ZNF260: variants seen among roughly 807,000 people sequenced by gnomAD.
ZNF260 encodes zinc finger protein 260.
Under a neutral mutation model 29.3 loss-of-function variants are expected in ZNF260, and 21 were observed. The ratio of observed to expected loss-of-function variants is 0.72; its 90% CI spans 0.51 to 1.03. ZNF260 has a LOEUF of 1.03. Ranked by LOEUF, ZNF260 falls within the 50% of genes least tolerant of loss-of-function variation. ZNF260 has a pLI of 0.00. For missense variants in ZNF260, 465 were observed against 487.8 expected (o/e 0.95, Z 0.44); for synonymous variants, 156 against 156.8 (o/e 0.99, Z 0.04).
At position 36,511,062 on chromosome 19, in the gene ZNF260, A is replaced by T. The variant is rs569172103; in HGVS notation, c.*2938T>A. Reference sequence around the variant, plus strand: ...ACATACATATATTTTATTTGGGTATATTACCTCAGAAAATCAACAACTGTC... The same window carrying T: ...ACATACATATATTTTATTTGGGTATTTTACCTCAGAAAATCAACAACTGTC... On this transcript the variant is annotated 3_prime_UTR_variant, in exon 3 of 3. Coordinates refer to ENST00000523638, the MANE Select transcript of ZNF260 (RefSeq NM_001166037.2). The T allele has an allele frequency of 1.6e-4, 24 of 152,306 alleles. No homozygotes were observed. The highest frequency in any genetic ancestry group is 1.2e-3 in the Admixed American group (18 of 15,286). The allele number at this position is 152,306 out of a possible 1,614,324, so 9.4% of individuals were successfully genotyped here. A position where few individuals can be genotyped will look rare whatever the true frequency, so the allele number is the denominator to read the frequency against.
At chr19:36,526,737 C>T (rs915854842) in intron 1 of ZNF260, among the ~76,000 whole-genome samples, 10 of 152,056 alleles carry the variant, frequency 6.6e-5, no homozygotes, top group Non-Finnish European at 1.3e-4. Context: ...ACAACCATCG[C>T]AAGCTTAACA....
Position 36,513,103 on chromosome 19 carries a change from T to C in ZNF260, c.*897A>G, listed in dbSNP as rs2034479416. ...ATATTATGTTTATTATTGTTTTAAA[T>C]CTCTTGCTGTGTCTAATCTGTAAAC... On this transcript the variant is annotated 3_prime_UTR_variant, in exon 3 of 3. Coordinates refer to ENST00000523638, the MANE Select transcript of ZNF260 (RefSeq NM_001166037.2). The C allele has an allele frequency of 6.6e-6, 1 of 152,188 alleles. No homozygotes were observed. Among genetic ancestry groups the C allele is most frequent in the Admixed American group, 6.5e-5 (1 of 15,276 alleles). 9.4% of individuals were successfully genotyped at this position (152,188 alleles called of 1,614,324 possible).
In ZNF260 at chr19:36,513,994, A is replaced by G; in HGVS notation, c.*6T>C. On this transcript the variant is annotated 3_prime_UTR_variant, in exon 3 of 3. Coordinates refer to ENST00000523638, the MANE Select transcript of ZNF260 (RefSeq NM_001166037.2). Reference sequence around the variant, plus strand: ...TTTGCTAAATCCAAGGCATTCATAGAGAACTTTAATGAGTATGAATTCTCT... The same window carrying G: ...TTTGCTAAATCCAAGGCATTCATAGGGAACTTTAATGAGTATGAATTCTCT... 1 of 1,602,382 alleles carries G rather than the reference A, an allele frequency of 6.2e-7. No homozygotes were observed. Among genetic ancestry groups the G allele is most frequent in the Non-Finnish European group, 8.5e-7 (1 of 1,171,916 alleles).
intron 2 of ZNF260, among the ~76,000 whole-genome samples, chr19:36,523,121 T>G (rs1190845736): frequency 1.2e-4 from 18 of 152,062 alleles, no homozygotes. Context: ...CCAAACCAAC[T>G]CCTCTCAAAT....
At position 36,513,448 on chromosome 19, in the gene ZNF260, G is replaced by A. The variant is rs954669373; in HGVS notation, c.*552C>T. 6 of 297,072 alleles carry A rather than the reference G, an allele frequency of 2.0e-5. No homozygotes were observed. The highest frequency in any genetic ancestry group is 3.1e-5 in the Non-Finnish European group (5 of 163,690). The allele number at this position is 297,072 out of a possible 1,614,324, so 18.4% of individuals were successfully genotyped here. On this transcript the variant is annotated 3_prime_UTR_variant, in exon 3 of 3. Transcript: ENST00000523638. Reference sequence around the variant, plus strand: ...GGGAGATATTATTTTTCCATATGAAGAGTCAATTAATTTTTAAGTAATCCA... The same window carrying A: ...GGGAGATATTATTTTTCCATATGAAAAGTCAATTAATTTTTAAGTAATCCA...
intron 2 of ZNF260, among the ~76,000 whole-genome samples, chr19:36,522,923 G>A (rs961196733): frequency 8.5e-5 from 13 of 152,108 alleles, no homozygotes; most frequent in African/African-American, 3.1e-4. Context: ...TAGCTTTACT[G>A]TGATTAGTAC....
Position 36,515,051 on chromosome 19 carries a change from A to T in ZNF260, c.188T>A (p.Val63Glu), listed in dbSNP as rs1209088987. The change falls in exon 3 of 3, where the codon GTG becomes GAG. Residue 63 changes from valine (V) to glutamate (E), a missense_variant. By Grantham distance (121) the Val-to-Glu change is moderately radical. Transcript: ENST00000523638. ...KSHECTECGK[V>E]CSRVSSLTLH... is the part of the protein sequence containing the mutation. ...AGTAAGAGATGAGACTCGAGAGCAC[A>T]CTTTACCACATTCAGTGCATTCATG... The T allele has an allele frequency of 6.2e-7, 1 of 1,614,110 alleles. No homozygotes were observed. The highest frequency in any genetic ancestry group is 2.2e-5 in the East Asian group (1 of 44,856).
chr19:36,519,293 TCAAA>T (rs1466796395), intron 2 of ZNF260, among the ~76,000 whole-genome samples: 2 of 151,980 alleles, frequency 1.3e-5, no homozygotes, highest in Non-Finnish European at 2.9e-5. Context: ...ATACAAGAAA[TCAAA>T]CAGAGTCATA....
At position 36,513,043 on chromosome 19, in the gene ZNF260, C is replaced by A. The variant is rs2034478028; in HGVS notation, c.*957G>T. ...TGAGAGAAAGATCATATTCACATAA[C>A]TTTTATGATTACAGTATATTGTTAT... On this transcript the variant is annotated 3_prime_UTR_variant, in exon 3 of 3. Coordinates refer to ENST00000523638, the MANE Select transcript of ZNF260 (RefSeq NM_001166037.2). The A allele has an allele frequency of 6.6e-6, 1 of 152,092 alleles. No individual in the cohort carries two copies. Among genetic ancestry groups the A allele is most frequent in the Non-Finnish European group, 1.5e-5 (1 of 68,002 alleles). 9.4% of individuals were successfully genotyped at this position (152,092 alleles called of 1,614,324 possible). A position where few individuals can be genotyped will look rare whatever the true frequency, so the allele number is the denominator to read the frequency against.
At chr19:36,520,557 A>G (rs1333263306) in intron 2 of ZNF260, among the ~76,000 whole-genome samples, 4 of 152,064 alleles carry the variant, frequency 2.6e-5, no homozygotes, top group Non-Finnish European at 4.4e-5. Flanking sequence ...CCAGAACTTT[A>G]GAAGGCTAAG....
intron 2 of ZNF260, among the ~76,000 whole-genome samples, chr19:36,516,567 G>A (rs538219783): frequency 6.6e-6 from 1 of 152,174 alleles, no homozygotes; most frequent in Non-Finnish European, 1.5e-5. Context: ...GGGTGACAGT[G>A]CAAGACTCGG....
intron 2 of ZNF260, 91 bp downstream of exon 2, chr19:36,525,064 A>G (rs1005695446): frequency 6.6e-6 from 1 of 152,472 alleles, no homozygotes; most frequent in Non-Finnish European, 1.5e-5. Context: ...AAAAACAAAC[A>G]AACAAACAAA....
Position 36,511,644 on chromosome 19 carries a change from T to TC in ZNF260, c.*2355dup, listed in dbSNP as rs1037478668. 1.0e-4 allele frequency: 15 copies of TC among 144,480 alleles called. No homozygotes were observed. The highest frequency in any genetic ancestry group is 6.1e-5 in the Non-Finnish European group (4 of 66,102). 8.9% of individuals were successfully genotyped at this position (144,480 alleles called of 1,614,324 possible). ...GCAGCCTGGGCAACAAGAACAAAAC[T>TC]CCGTCTCAAAAAAAAAAAAAAATCA... On this transcript the variant is annotated 3_prime_UTR_variant, in exon 3 of 3. Coordinates refer to ENST00000523638, the MANE Select transcript of ZNF260 (RefSeq NM_001166037.2).
chr19:36,519,548 C>T (rs1454722756), intron 2 of ZNF260, among the ~76,000 whole-genome samples: 1 of 152,096 alleles, frequency 6.6e-6, no homozygotes, highest in Non-Finnish European at 1.5e-5. Flanking sequence ...AATGTATACA[C>T]ATTTATAACA....
chr19:36,515,315 A>C lies in ZNF260; in HGVS notation c.-77T>G. The C allele has an allele frequency of 5.9e-6, 8 of 1,362,676 alleles. No homozygotes were observed. Among genetic ancestry groups the C allele is most frequent in the Non-Finnish European group, 7.8e-6 (8 of 1,025,300 alleles). The allele number at this position is 1,362,676 out of a possible 1,614,324, so 84.4% of individuals were successfully genotyped here. A position where few individuals can be genotyped will look rare whatever the true frequency, so the allele number is the denominator to read the frequency against. On this transcript the variant is annotated 5_prime_UTR_variant, in exon 3 of 3. The change creates a premature stop within an existing upstream ORF in the 5' untranslated region. Transcript: ENST00000523638. ...GGATGAAAGCTTTCCCACATTCACTAAATTCATATGGTGTATTTTCAATAT... is the reference window on the plus strand; with the variant it reads ...GGATGAAAGCTTTCCCACATTCACTCAATTCATATGGTGTATTTTCAATAT...
chr19:36,514,878 G>A lies in ZNF260; in HGVS notation c.361C>T (p.Pro121Ser), dbSNP rs763990138. The A allele has an allele frequency of 6.2e-7, 1 of 1,613,530 alleles. No homozygotes were observed. ...TTTTTCTGGTGTCTGATGATGGTTG[G>A]CATCTGAATAGAAACTTTTTCACAT... ...YECEKVSIQM[P>S]TIIRHQKNHT... Residue 121 changes from proline (P) to serine (S), a missense_variant, in exon 3 of 3, where the codon CCA becomes TCA. Physicochemically the swap from Pro to Ser is moderately conservative, Grantham distance 74. Transcript: ENST00000523638.
intron 2 of ZNF260, among the ~76,000 whole-genome samples, chr19:36,522,192 C>T (rs542319621): frequency 1.3e-5 from 2 of 152,172 alleles, no homozygotes; most frequent in South Asian, 2.1e-4. Context: ...CGGTGGCTCA[C>T]GCCTGTAATC....
In ZNF260 at chr19:36,515,107, C is replaced by G; in HGVS notation, c.132G>C (p.Glu44Asp). 6.2e-7 allele frequency: 1 copy of G among 1,614,066 alleles called. No individual in the cohort carries two copies. Among genetic ancestry groups the G allele is most frequent in the Non-Finnish European group, 8.5e-7 (1 of 1,180,006 alleles). ...KTFSLKQNLV[E>D]HKKMHTGEKS... ...TCTCTCCAGTATGCATTTTCTTATG[C>G]TCTACAAGGTTTTGCTTCAGGCTAA... The change falls in exon 3 of 3, where the codon GAG (glutamate) becomes GAC (aspartate). Residue 44 changes from glutamate to aspartate, a missense_variant. Transcript: ENST00000523638.
intron 1 of ZNF260, among the ~76,000 whole-genome samples, chr19:36,527,322 C>T (rs2034752588): frequency 1.3e-5 from 2 of 152,156 alleles, no homozygotes; most frequent in Non-Finnish European, 2.9e-5. Flanking sequence ...AACTATTAAC[C>T]CTGTTACTTT....
Sources: allele counts gnomAD v4.1 joint callset (sites outside exome capture counted in the v4.1 genomes callset), GRCh38; gene constraint gnomAD v4.1.1; transcripts MANE v1.5; gene names NCBI Gene and HGNC (gene_info 2026-07-23, HGNC 2026-07-21).